KIF26B: variants seen among roughly 807,000 people sequenced by gnomAD.
KIF26B encodes kinesin family member 26B, also known as kinesin-like protein KIF26B.
A neutral mutation model predicts 151.2 loss-of-function variants in KIF26B; 63 were observed. The ratio of observed to expected loss-of-function variants is 0.42; its 90% CI spans 0.34 to 0.51. The LOEUF (loss-of-function observed/expected upper bound fraction) is 0.51. Ranked by LOEUF, KIF26B falls within the 20% of genes least tolerant of loss-of-function variation. The probability of loss-of-function intolerance (pLI) is 0.07; values close to 1 mark genes in which losing one functional copy is unlikely to be tolerated. For missense variants in KIF26B, 2,813 were observed against 2,913.6 expected (o/e 0.97, Z 0.79); for synonymous variants, 1,357 against 1,262.1 (o/e 1.08, Z -1.59).
intron 2 of KIF26B, among the ~76,000 whole-genome samples, chr1:245,364,997 T>C (rs1023133739): frequency 5.3e-5 from 8 of 152,266 alleles, no homozygotes; most frequent in Admixed American, 2.0e-4. Context: ...AGGAATCTAT[T>C]GATGGATATG....
At chr1:245,245,588 C>T (rs990971703) in intron 2 of KIF26B, among the ~76,000 whole-genome samples, 1 of 152,058 alleles carries the variant, frequency 6.6e-6, no homozygotes, top group African/African-American at 2.4e-5. Flanking sequence ...GTCAGCAGTT[C>T]AAGACCAGCC....
At chr1:245,548,771 T>C (rs1661810290) in intron 5 of KIF26B, among the ~76,000 whole-genome samples, 1 of 140,762 alleles carries the variant, frequency 7.1e-6, no homozygotes, top group Admixed American at 7.1e-5. Context: ...AAAACAGGGT[T>C]TCACTCTTGT....
chr1:245,517,941 C>T (rs11581060), intron 4 of KIF26B, among the ~76,000 whole-genome samples: 37,265 of 148,672 alleles, frequency 0.25, 5,645 homozygotes, highest in East Asian at 0.49. Context: ...GGCACGATCT[C>T]GGCTCACTGC....
intron 2 of KIF26B, among the ~76,000 whole-genome samples, chr1:245,184,981 A>C (rs1668975370): frequency 6.6e-6 from 1 of 152,206 alleles, no homozygotes; most frequent in Non-Finnish European, 1.5e-5. Context: ...GTACAATGGG[A>C]GATCAGGGGA....
rs1668616807 is a variant in KIF26B, at chr1:245,166,503, G to C, written c.465+9820G>C. 6.6e-6 allele frequency among the ~76,000 whole-genome samples: 1 copy of C among 152,194 alleles called. No homozygotes were observed. The highest frequency in any genetic ancestry group is 2.1e-4 in the South Asian group (1 of 4,832). ...TTGAGGTGCCATGAATATGGATTGA[G>C]AGTTTTTTGTCACAGATGGAAATCC... On this transcript the variant is annotated intron_variant, in intron 2 of 14. Coordinates refer to ENST00000407071, the MANE Select transcript of KIF26B (RefSeq NM_018012.4). This position sits in a 1 kb window ranked among gnomAD's most constrained non-coding sequence, Gnocchi z 4.5.
In KIF26B at chr1:245,686,661, G is replaced by A. The variant is rs746627665; in HGVS notation, c.3678G>A (p.Ser1226=). ...CTGCACGGGCCCTGGCCTCGGGCTC[G>A]CGGCCCGTCAGCATCATCAGCAGCA... The part of the protein sequence containing the change: ...DCSARALASG[S]RPVSIISSIS... Residue 1226 remains serine, a synonymous_variant, in exon 12 of 15, where the codon TCG becomes TCA. Transcript: ENST00000407071. This position sits in a 1 kb window ranked among gnomAD's most constrained non-coding sequence, Gnocchi z 5.6. The A allele has an allele frequency of 1.9e-5, 30 of 1,611,164 alleles. No individual in the cohort carries two copies. The highest frequency in any genetic ancestry group is 1.8e-5 in the Non-Finnish European group (21 of 1,179,000).
At chr1:245,269,838 C>T (rs374706550) in intron 2 of KIF26B, among the ~76,000 whole-genome samples, 4 of 152,130 alleles carry the variant, frequency 2.6e-5, no homozygotes, top group African/African-American at 9.7e-5. Flanking sequence ...TCTTTATCCA[C>T]TCATCCATCA....
At chr1:245,370,774 C>T in intron 3 of KIF26B, 2 of 382,042 alleles carry the variant, frequency 5.2e-6, no homozygotes, top group South Asian at 3.8e-5. Context: ...TTGTGCGTTT[C>T]TTTTATTTGT....
At chr1:245,684,103 A>C in intron 10 of KIF26B, 130 bp from the exon 11 acceptor site, 1 of 892,832 alleles carries the variant, frequency 1.1e-6, no homozygotes. Context: ...GATGCTAATT[A>C]GTATGCCATT....
At chr1:245,465,557 G>A (rs1198799896) in intron 4 of KIF26B, among the ~76,000 whole-genome samples, 1 of 152,168 alleles carries the variant, frequency 6.6e-6, no homozygotes, top group East Asian at 1.9e-4. Flanking sequence ...TCTGTGTTCC[G>A]TTTCCTTCCC....
chr1:245,240,521 A>C (rs1361373622), intron 2 of KIF26B, among the ~76,000 whole-genome samples: 6 of 152,340 alleles, frequency 3.9e-5, no homozygotes, highest in African/African-American at 4.8e-5. Flanking sequence ...ACGAGTGTGT[A>C]TAGAATGTGG....
chr1:245,409,742 G>A (rs534365313), intron 3 of KIF26B, among the ~76,000 whole-genome samples: 10 of 152,290 alleles, frequency 6.6e-5, no homozygotes, highest in Admixed American at 4.6e-4. Flanking sequence ...GGACAGCACA[G>A]AGAGGAGTTT....
chr1:245,228,330 G>A (rs1027727314), intron 2 of KIF26B, among the ~76,000 whole-genome samples: 1 of 152,128 alleles, frequency 6.6e-6, no homozygotes, highest in African/African-American at 2.4e-5. Context: ...ATCCTTAGTT[G>A]CCCAGGCGGG....
chr1:245,293,878 G>A (rs1573757716), intron 2 of KIF26B, among the ~76,000 whole-genome samples: 2 of 152,092 alleles, frequency 1.3e-5, no homozygotes, highest in African/African-American at 4.8e-5. Flanking sequence ...GCACCCAGCC[G>A]ATTTCTTTTT....
intron 2 of KIF26B, among the ~76,000 whole-genome samples, chr1:245,226,496 T>C (rs1010694180): frequency 2.6e-5 from 4 of 152,046 alleles, no homozygotes; most frequent in Non-Finnish European, 5.9e-5. Context: ...AGTTTTGCTC[T>C]TAGTTGCCCA....
At chr1:245,438,770 C>T (rs776196974) in intron 4 of KIF26B, among the ~76,000 whole-genome samples, 2 of 152,104 alleles carry the variant, frequency 1.3e-5, no homozygotes, top group African/African-American at 2.4e-5. Flanking sequence ...TGATGGTAAG[C>T]GACGGAAACC....
intron 10 of KIF26B, among the ~76,000 whole-genome samples, chr1:245,669,275 TAG>T (rs2044254654): frequency 1.3e-5 from 2 of 152,186 alleles, no homozygotes; most frequent in Admixed American, 6.5e-5. Flanking sequence ...TAGCCTATGT[TAG>T]AAGGCTTCTG....
intron 4 of KIF26B, among the ~76,000 whole-genome samples, chr1:245,484,411 C>T (rs1660231242): frequency 6.6e-6 from 1 of 151,820 alleles, no homozygotes; most frequent in Admixed American, 6.6e-5. Context: ...GAGTCAGACT[C>T]ACCATCTAGG....
In KIF26B at chr1:245,239,941, C is replaced by T. The variant is rs1670183504; in HGVS notation, c.465+83258C>T. Among the ~76,000 whole-genome samples the T allele has an allele frequency of 6.6e-6, 1 of 151,716 alleles. No homozygotes were observed. Among genetic ancestry groups the T allele is most frequent in the Admixed American group, 6.6e-5 (1 of 15,206 alleles). Reference sequence around the variant, plus strand: ...CTGTAATCCCAGCCCTTTGGGAGGCCGAGGCGGGCGGATCACTTGAGGTCA... The same window carrying T: ...CTGTAATCCCAGCCCTTTGGGAGGCTGAGGCGGGCGGATCACTTGAGGTCA... On this transcript the variant is annotated intron_variant, in intron 2 of 14. Transcript: ENST00000407071. This position sits in a 1 kb window ranked among gnomAD's most constrained non-coding sequence, Gnocchi z 4.3.
Sources: gnomAD v4.1 joint callset for allele counts (sites outside exome capture counted in the v4.1 genomes callset) on GRCh38, gnomAD v4.1.1 for gene constraint, Gnocchi (gnomAD v3.1) non-coding constraint, MANE v1.5 for transcripts, NCBI Gene and HGNC (gene_info 2026-07-23, HGNC 2026-07-21) for gene names.